Variants in ZFHX3 observed in about 807,000 individuals in gnomAD.
ZFHX3 encodes zinc finger homeobox protein 3.
A neutral mutation model predicts 279.1 loss-of-function variants in ZFHX3; 42 were observed. The ratio of observed to expected loss-of-function variants is 0.15; its 90% CI spans 0.12 to 0.19. The LOEUF (loss-of-function observed/expected upper bound fraction) is 0.19, where lower values mean the gene tolerates loss of function less well. Ranked by LOEUF, ZFHX3 falls within the 10% of genes least tolerant of loss-of-function variation. The probability of loss-of-function intolerance (pLI) is 1.00; values close to 1 mark genes in which losing one functional copy is unlikely to be tolerated. For missense variants in ZFHX3, 4,981 were observed against 4,754.0 expected (o/e 1.05, Z -1.40); for synonymous variants, 2,293 against 1,957.8 (o/e 1.17, Z -4.52).
intron 2 of ZFHX3, among the ~76,000 whole-genome samples, chr16:73,518,908 A>G (rs8062205): frequency 0.37 from 56,604 of 152,138 alleles, 12,134 homozygotes; most frequent in East Asian, 0.63. Context: ...AAAAGCACCA[A>G]GAGAGATTCG....
chr16:73,152,812 G>C (rs1597186848), intron 5 of ZFHX3, among the ~76,000 whole-genome samples: 1 of 129,564 alleles, frequency 7.7e-6, no homozygotes, highest in Admixed American at 7.9e-5. Context: ...GGAGGGGAGA[G>C]AAGGGGGCTG....
At chr16:72,893,852 A>T (rs954631826) in intron 3 of ZFHX3, among the ~76,000 whole-genome samples, 55 of 152,102 alleles carry the variant, frequency 3.6e-4, no homozygotes, top group Admixed American at 2.1e-3. Flanking sequence ...CAAAACACTT[A>T]AAAAAATCCA....
At chr16:73,399,282 C>G (rs2017197152) in intron 3 of ZFHX3, among the ~76,000 whole-genome samples, 1 of 152,052 alleles carries the variant, frequency 6.6e-6, no homozygotes, top group South Asian at 2.1e-4. Context: ...AGAATATTCT[C>G]TATACTAAAC....
intron 2 of ZFHX3, among the ~76,000 whole-genome samples, chr16:73,578,480 G>C (rs1456604166): frequency 6.6e-6 from 1 of 152,124 alleles, no homozygotes; most frequent in African/African-American, 2.4e-5. Context: ...TTTGCTCAGA[G>C]GCTTTAAAAT....
chr16:73,785,622 T>G (rs1959619303), intron 1 of ZFHX3, among the ~76,000 whole-genome samples: 2 of 152,022 alleles, frequency 1.3e-5, no homozygotes, highest in South Asian at 4.2e-4. Context: ...GGTATAAAGG[T>G]GGGGTGGTGG....
intron 3 of ZFHX3, among the ~76,000 whole-genome samples, chr16:73,419,868 T>C (rs1567478706): frequency 6.6e-6 from 1 of 151,924 alleles, no homozygotes; most frequent in Non-Finnish European, 1.5e-5. Context: ...TCTTGCTGAG[T>C]GAATGAATGA....
Position 73,742,570 on chromosome 16 carries a change from G to T in ZFHX3, c.-1607-62330C>A, listed in dbSNP as rs112425976. Among the ~76,000 whole-genome samples, 13 of 152,272 alleles carry T rather than the reference G, an allele frequency of 8.5e-5. 1 individual carries two copies. Among genetic ancestry groups the T allele is most frequent in the African/African-American group, 2.9e-4 (12 of 41,562 alleles). On this transcript the variant is annotated intron_variant, in intron 1 of 17. Coordinates refer to the ZFHX3 transcript ENST00000641206. Reference sequence around the variant, plus strand: ...CACATAAAAATTACAAAGACTTCTTGGAGGGGTGAGGGTAGATATGGTCAA... The same window carrying T: ...CACATAAAAATTACAAAGACTTCTTTGAGGGGTGAGGGTAGATATGGTCAA...
intron 6 of ZFHX3, chr16:73,143,624 C>T (rs936306404): frequency 5.4e-6 from 3 of 554,116 alleles, no homozygotes; most frequent in African/African-American, 2.0e-5. Context: ...TCTAGTAACA[C>T]TGCAATTTCC....
At chr16:73,535,323 T>C (rs1458403790) in intron 2 of ZFHX3, among the ~76,000 whole-genome samples, 1 of 152,236 alleles carries the variant, frequency 6.6e-6, no homozygotes, top group Non-Finnish European at 1.5e-5. Context: ...TTTTAATAAA[T>C]GTTGTGTTTA....
At chr16:73,862,594 G>A (rs944057372) in intron 1 of ZFHX3, among the ~76,000 whole-genome samples, 1 of 151,994 alleles carries the variant, frequency 6.6e-6, no homozygotes, top group Non-Finnish European at 1.5e-5. Flanking sequence ...AGGCAACACA[G>A]TAAGACCCCA....
chr16:73,740,796 C>A (rs1567394876), intron 1 of ZFHX3, among the ~76,000 whole-genome samples: 1 of 152,160 alleles, frequency 6.6e-6, no homozygotes, highest in Non-Finnish European at 1.5e-5. Context: ...GAAAGCAGTA[C>A]CCCTGCCTTC....
rs145778772 is a variant in ZFHX3 at position 73,533,033 on chromosome 16, A to G, written c.-1546-76775T>C. Among the ~76,000 whole-genome samples, 294 of 152,280 alleles carry G rather than the reference A, an allele frequency of 1.9e-3. 1 individual carries two copies. The highest frequency in any genetic ancestry group is 3.4e-3 in the Non-Finnish European group (232 of 68,022). ...TAAATTACCCAGTCTTCGGTATTTC[A>G]TCATAACAGCGTGAAAATGGACTAA... On this transcript the variant is annotated intron_variant, in intron 2 of 17. Coordinates refer to the ZFHX3 transcript ENST00000641206.
rs751808414 is a variant in ZFHX3, at chr16:72,797,180, A to C, written c.5502T>G (p.Asp1834Glu). ...GTGGGACCTGAACCTGAGCCTTCAG[A>C]TCTTCCAGCAGGCCTGGGCCTGTCC... is the stretch of plus-strand genomic sequence containing the variant. ...LTGTGPGLLE[D>E]LKAQVQVPQQ... The change falls in exon 9 of 10, where the codon GAT (aspartate) becomes GAG (glutamate). Residue 1834 changes from aspartate to glutamate, a missense_variant. This residue lies in a region of ZFHX3 where 1,751 missense variants were observed against 1,770.0 expected (regional missense o/e 0.99). Coordinates refer to ENST00000268489, the MANE Select transcript of ZFHX3 (RefSeq NM_006885.4). 2 of 1,613,772 alleles carry C rather than the reference A, an allele frequency of 1.2e-6. No homozygotes were observed. Among genetic ancestry groups the C allele is most frequent in the East Asian group, 2.2e-5 (1 of 44,852 alleles).
chr16:73,391,377 A>C (rs2017010151), intron 3 of ZFHX3, among the ~76,000 whole-genome samples: 1 of 151,740 alleles, frequency 6.6e-6, no homozygotes, highest in South Asian at 2.1e-4. Context: ...GCTTGAACCC[A>C]GGAGGCAGAG....
intron 1 of ZFHX3, among the ~76,000 whole-genome samples, chr16:72,987,128 G>A (rs950784359): frequency 1.3e-5 from 2 of 152,112 alleles, no homozygotes; most frequent in African/African-American, 2.4e-5. Context: ...GCCACTACAC[G>A]CCAGCCTGGG....
At chr16:73,160,395 A>G (rs1967201265) in intron 5 of ZFHX3, among the ~76,000 whole-genome samples, 1 of 152,228 alleles carries the variant, frequency 6.6e-6, no homozygotes, top group Admixed American at 6.5e-5. Flanking sequence ...TGTTTCTAGC[A>G]TGTTGATGAC....
chr16:73,199,628 T>C (rs1207554242), intron 5 of ZFHX3, among the ~76,000 whole-genome samples: 3 of 152,222 alleles, frequency 2.0e-5, no homozygotes, highest in Admixed American at 2.0e-4. Context: ...CCCTTAGCGA[T>C]TCTTAACACC....
chr16:72,912,004 A>C (rs1403266154), intron 3 of ZFHX3, among the ~76,000 whole-genome samples: 1 of 152,256 alleles, frequency 6.6e-6, no homozygotes, highest in Non-Finnish European at 1.5e-5. Flanking sequence ...CATAAAAAAT[A>C]AGCATTCCAT....
At chr16:73,070,296 G>C (rs573784478) in intron 8 of ZFHX3, among the ~76,000 whole-genome samples, 2 of 151,974 alleles carry the variant, frequency 1.3e-5, no homozygotes, top group Non-Finnish European at 2.9e-5. Context: ...AACTGCGGCC[G>C]TGCAATTCAT....
Sources: gnomAD v4.1 joint callset for allele counts (sites outside exome capture counted in the v4.1 genomes callset) on GRCh38, gnomAD v4.1.1 for gene constraint, gnomAD v4.1.1 regional missense constraint, MANE v1.5 for transcripts, NCBI Gene and HGNC (gene_info 2026-07-23, HGNC 2026-07-21) for gene names.